Variants in IMMP2L observed in about 807,000 individuals in gnomAD.
IMMP2L encodes the protein inner mitochondrial membrane peptidase subunit 2.
A neutral mutation model predicts 19.3 loss-of-function variants in IMMP2L; 18 were observed. That is an observed-to-expected ratio of 0.93 (90% CI 0.64 to 1.38). The LOEUF (loss-of-function observed/expected upper bound fraction) is 1.38. IMMP2L is among the 40% of genes most tolerant of loss of function. The pLI, the probability that IMMP2L is intolerant of heterozygous loss-of-function variation, is 0.00. For synonymous variants in IMMP2L, 76 were observed against 73.0 expected, an observed-to-expected ratio of 1.04 and a Z score of -0.21; for missense variants, 233 against 218.2, an observed-to-expected ratio of 1.07 and a Z score of -0.43.
intron 4 of IMMP2L, among the ~76,000 whole-genome samples, chr7:110,938,675 T>C (rs1487194988): frequency 1.3e-5 from 2 of 152,114 alleles, no homozygotes; most frequent in African/African-American, 2.4e-5. Context: ...AAGCCCAGAC[T>C]TCACTGCCAT....
intron 1 of IMMP2L, among the ~76,000 whole-genome samples, chr7:111,553,471 C>A (rs1790914878): frequency 6.6e-6 from 1 of 152,098 alleles, no homozygotes; most frequent in African/African-American, 2.4e-5. Context: ...CCATTGTGCT[C>A]TGTGGAGTTG....
At chr7:111,017,245 T>C (rs762738236) in intron 3 of IMMP2L, among the ~76,000 whole-genome samples, 15 of 151,312 alleles carry the variant, frequency 9.9e-5, no homozygotes, top group Non-Finnish European at 2.1e-4. Flanking sequence ...TATTGTTTTT[T>C]TAGAAATGGG....
intron 3 of IMMP2L, among the ~76,000 whole-genome samples, chr7:111,225,136 T>C (rs77674705): frequency 1.1e-4 from 16 of 152,106 alleles, no homozygotes; most frequent in Non-Finnish European, 2.2e-4. Flanking sequence ...TAGACTTGGA[T>C]TTTTGGCAGA....
At chr7:111,082,442 T>C (rs1235455941) in intron 3 of IMMP2L, among the ~76,000 whole-genome samples, 2 of 152,236 alleles carry the variant, frequency 1.3e-5, no homozygotes, top group Non-Finnish European at 2.9e-5. Context: ...TGAATGCTTG[T>C]TGGCATTTTC....
At chr7:111,067,185 T>C (rs1363855677) in intron 3 of IMMP2L, among the ~76,000 whole-genome samples, 1 of 152,232 alleles carries the variant, frequency 6.6e-6, no homozygotes, top group African/African-American at 2.4e-5. Context: ...TTTCAGTAAG[T>C]TATGTGAGTC....
rs1803679270 is a variant in IMMP2L, at chr7:111,148,115, T to C, written c.240-184550A>G. 2.0e-5 allele frequency among the ~76,000 whole-genome samples: 3 copies of C among 152,094 alleles called. No homozygotes were observed. The South Asian group carries it at 6.2e-4, about 32-fold the overall frequency. On this transcript the variant is annotated intron_variant, in intron 3 of 5. Transcript: ENST00000405709. The stretch of plus-strand genomic sequence containing the variant: ...AAAATAGAAGCAGCCCAAGTTTTCA[T>C]CATCTGTTGAATGGATAATAAAACG...
At chr7:111,132,501 T>C (rs1323471859) in intron 3 of IMMP2L, among the ~76,000 whole-genome samples, 1 of 152,028 alleles carries the variant, frequency 6.6e-6, no homozygotes, top group East Asian at 1.9e-4. Flanking sequence ...TTGTGAGTAC[T>C]GACACTATAG....
At chr7:111,555,800 T>C (rs906236845) in intron 1 of IMMP2L, among the ~76,000 whole-genome samples, 2 of 151,694 alleles carry the variant, frequency 1.3e-5, no homozygotes, top group Non-Finnish European at 1.5e-5. Context: ...TGTCTTTTGT[T>C]GGACAGTTAG....
chr7:110,996,666 T>C (rs1461992493), intron 3 of IMMP2L, among the ~76,000 whole-genome samples: 1 of 151,948 alleles, frequency 6.6e-6, no homozygotes, highest in Non-Finnish European at 1.5e-5. Flanking sequence ...TACAAAAATA[T>C]ATAGGCCCTT....
chr7:111,217,097 GTCTCTCTCTC>G (rs34795971), intron 3 of IMMP2L, among the ~76,000 whole-genome samples: 6 of 126,882 alleles, frequency 4.7e-5, no homozygotes, highest in East Asian at 4.6e-4. Context: ...CTCTCCCTCC[GTCTCTCTCTC>G]TCTCTCTCTC....
intron 3 of IMMP2L, chr7:111,124,485 A>G (rs1801044395): frequency 6.2e-7 from 1 of 1,613,992 alleles, no homozygotes; most frequent in South Asian, 1.1e-5. Context: ...GTGCTCGAAT[A>G]CCATCTGATG....
chr7:110,688,184 C>T (rs541093369), intron 5 of IMMP2L, among the ~76,000 whole-genome samples: 7 of 152,106 alleles, frequency 4.6e-5, no homozygotes, highest in Non-Finnish European at 5.9e-5. Context: ...GGACACAAAC[C>T]GCCCAGCTGA....
intron 5 of IMMP2L, among the ~76,000 whole-genome samples, chr7:110,879,320 G>A (rs1425931309): frequency 2.6e-5 from 4 of 151,880 alleles, no homozygotes; most frequent in Admixed American, 1.3e-4. Flanking sequence ...CCCAGGAGGC[G>A]GAGGTTGCAG....
intron 3 of IMMP2L, among the ~76,000 whole-genome samples, chr7:111,451,828 T>C (rs1469532801): frequency 6.6e-6 from 1 of 151,930 alleles, no homozygotes; most frequent in East Asian, 1.9e-4. Flanking sequence ...AAAGAAATCC[T>C]ACGTTTTCTC....
rs1177545186 is a variant in IMMP2L at position 111,281,210 on chromosome 7, GAAAGAAAA to G, written c.239+206020_239+206027del. ...AGAAAGAAAGAAAGAAAGAAAGAAA[GAAAGAAAA>G]AGAAAGAAAGAAAGAAAGAAAGAAA... On this transcript the variant is annotated intron_variant, in intron 3 of 5. Transcript: ENST00000405709. Among the ~76,000 whole-genome samples the G allele has an allele frequency of 4.0e-3, 180 of 45,134 alleles. 7 individuals are homozygous for G. The East Asian group carries it at 0.052, about 13-fold the overall frequency. 29.6% of individuals were successfully genotyped at this position (45,134 alleles called of 152,430 possible).
At chr7:111,543,169 T>G (rs559165148) in intron 1 of IMMP2L, among the ~76,000 whole-genome samples, 1 of 152,316 alleles carries the variant, frequency 6.6e-6, no homozygotes, top group African/African-American at 2.4e-5. Flanking sequence ...TGTAATACTT[T>G]CGGCAAATAT....
In IMMP2L at chr7:111,434,885, A is replaced by G. The variant is rs149271747; in HGVS notation, c.239+52353T>C. ...GCCATTTTTCAAAAGAAGACAAACAAGCAGCCAACAAGCAGCCAGTCATGA... is the reference window on the plus strand; with the variant it reads ...GCCATTTTTCAAAAGAAGACAAACAGGCAGCCAACAAGCAGCCAGTCATGA... On this transcript the variant is annotated intron_variant, in intron 3 of 5. Coordinates refer to ENST00000405709, the MANE Select transcript of IMMP2L (RefSeq NM_032549.4). Among the ~76,000 whole-genome samples, 27 of 152,036 alleles carry G rather than the reference A, an allele frequency of 1.8e-4. 1 individual carries two copies. The East Asian group carries it at 4.8e-3, about 27-fold the overall frequency.
intron 5 of IMMP2L, among the ~76,000 whole-genome samples, chr7:110,772,816 C>T (rs1165996521): frequency 6.6e-6 from 1 of 152,128 alleles, no homozygotes; most frequent in Non-Finnish European, 1.5e-5. Context: ...TCAGACTTCC[C>T]ATCTTCCCAG....
At position 111,020,715 on chromosome 7, in the gene IMMP2L, T is replaced by C. The variant is rs527433313; in HGVS notation, c.240-57150A>G. Among the ~76,000 whole-genome samples the C allele has an allele frequency of 1.4e-4, 22 of 152,062 alleles. No homozygotes were observed. In the East Asian group the frequency reaches 3.5e-3, roughly 24 times the overall value. ...AGGGCAAGGTTGTAGTGAGCTGAGA[T>C]GGCACTAATGCACACCAGCCTGGGC... On this transcript the variant is annotated intron_variant, in intron 3 of 5. Coordinates refer to ENST00000405709, the MANE Select transcript of IMMP2L (RefSeq NM_032549.4).
Sources: allele counts gnomAD v4.1 joint callset (sites outside exome capture counted in the v4.1 genomes callset), GRCh38; gene constraint gnomAD v4.1.1; transcripts MANE v1.5; gene names NCBI Gene and HGNC (gene_info 2026-07-23, HGNC 2026-07-21).